VMP1: variants seen among roughly 807,000 people sequenced by gnomAD.
The protein encoded by VMP1 is vacuole membrane protein 1.
In VMP1, 11 loss-of-function variants were observed where a neutral mutation model predicts 56.0. The observed-to-expected ratio is 0.20, with a 90% CI of 0.12 to 0.32. The LOEUF (loss-of-function observed/expected upper bound fraction) is 0.32, where lower values mean the gene tolerates loss of function less well. VMP1 is among the 10% of genes least tolerant of loss of function. The probability of loss-of-function intolerance (pLI) is 1.00; values close to 1 mark genes in which losing one functional copy is unlikely to be tolerated. For synonymous variants in VMP1, 149 were observed against 165.0 expected, an observed-to-expected ratio of 0.90 and a Z score of 0.74; for missense variants, 296 against 490.3, an observed-to-expected ratio of 0.60 and a Z score of 3.74.
rs753165336 is a variant in VMP1 at position 59,735,414 on chromosome 17, C to T, written c.153C>T (p.Leu51=). 1 of 1,614,122 alleles carries T rather than the reference C, an allele frequency of 6.2e-7. No homozygotes were observed. The highest frequency in any genetic ancestry group is 8.5e-7 in the Non-Finnish European group (1 of 1,180,012). Reference sequence around the variant, plus strand: ...ATATTGTCCTGTGGAGACAGCCGCTCATTACCTTGCAGTATTTTTCTCTGG... The same window carrying T: ...ATATTGTCCTGTGGAGACAGCCGCTTATTACCTTGCAGTATTTTTCTCTGG... ...RQNIVLWRQP[L]ITLQYFSLEI... is the part of the protein sequence containing the mutation. The change falls in exon 3 of 12, where the codon CTC becomes CTT. Residue 51 remains leucine, a synonymous_variant. Transcript: ENST00000262291.
chr17:59,837,660 G>T (rs2039023630), intron 10 of VMP1: 1 of 152,170 alleles, frequency 6.6e-6, no homozygotes, highest in African/African-American at 2.4e-5. Flanking sequence ...TTGTTCCTTT[G>T]TTAATCACTG....
chr17:59,755,116 C>CTTTTTT (rs58771752), intron 5 of VMP1, among the ~76,000 whole-genome samples: 6 of 145,358 alleles, frequency 4.1e-5, no homozygotes, highest in African/African-American at 1.5e-4. Flanking sequence ...TTTTCTTTTT[C>CTTTTTT]TTTTTTTTTT....
chr17:59,835,107 G>A (rs373744860), intron 10 of VMP1, among the ~76,000 whole-genome samples: 9 of 151,968 alleles, frequency 5.9e-5, no homozygotes, highest in East Asian at 5.8e-4. Context: ...TGTTGGCCAG[G>A]CTGTTTTGTT....
At chr17:59,797,036 T>C (rs1302442994) in intron 7 of VMP1, among the ~76,000 whole-genome samples, 1 of 151,982 alleles carries the variant, frequency 6.6e-6, no homozygotes, top group African/African-American at 2.4e-5. Flanking sequence ...GGAGATAGCT[T>C]AAAAAGGAAA....
chr17:59,719,181 GTAGTC>G (rs2034293892), intron 1 of VMP1, among the ~76,000 whole-genome samples: 1 of 152,106 alleles, frequency 6.6e-6, no homozygotes, highest in Non-Finnish European at 1.5e-5. Context: ...CTATTTTGGA[GTAGTC>G]TAATCCAATT....
intron 5 of VMP1, among the ~76,000 whole-genome samples, chr17:59,760,267 C>T (rs1366131129): frequency 6.6e-6 from 1 of 152,100 alleles, no homozygotes; most frequent in African/African-American, 2.4e-5. Context: ...ATTTCCTCCT[C>T]CCATAATTTA....
chr17:59,719,410 G>C (rs1329144457), intron 1 of VMP1, among the ~76,000 whole-genome samples: 2 of 152,034 alleles, frequency 1.3e-5, no homozygotes, highest in Non-Finnish European at 2.9e-5. Flanking sequence ...TGTGTGCCTT[G>C]TATGAAGAAC....
intron 8 of VMP1, among the ~76,000 whole-genome samples, chr17:59,810,303 A>G (rs1319086084): frequency 6.6e-6 from 1 of 151,956 alleles, no homozygotes; most frequent in Non-Finnish European, 1.5e-5. Flanking sequence ...ACAATCATGC[A>G]CCACTACACC....
Position 59,840,162 on chromosome 17 carries a change from G to A in VMP1, c.*251G>A. On this transcript the variant is annotated 3_prime_UTR_variant, in exon 12 of 12. Coordinates refer to ENST00000262291, the MANE Select transcript of VMP1 (RefSeq NM_030938.5). ...GAATGTGATGTTCAGCAGCAAACTT[G>A]CAACAGACTGGCCTTCTGTTTGTTA... 1 of 426,186 alleles carries A rather than the reference G, an allele frequency of 2.3e-6. No individual in the cohort carries two copies. The highest frequency in any genetic ancestry group is 3.3e-5 in the South Asian group (1 of 30,708). The allele number at this position is 426,186 out of a possible 1,614,324, so 26.4% of individuals were successfully genotyped here. A position where few individuals can be genotyped will look rare whatever the true frequency, so the allele number is the denominator to read the frequency against.
chr17:59,802,524 T>A (rs1311706994), intron 7 of VMP1, among the ~76,000 whole-genome samples: 1 of 152,140 alleles, frequency 6.6e-6, no homozygotes, highest in African/African-American at 2.4e-5. Flanking sequence ...ATTAACCAAG[T>A]ATACATTTAT....
intron 8 of VMP1, among the ~76,000 whole-genome samples, chr17:59,809,532 A>T: frequency 1.3e-5 from 1 of 76,750 alleles, no homozygotes; most frequent in East Asian, 4.3e-4. Flanking sequence ...TTTGAGACGG[A>T]GTCTCGCTCT....
chr17:59,808,741 A>C, intron 7 of VMP1, 55 bp from the exon 8 acceptor site: 19 of 1,348,718 alleles, frequency 1.4e-5, no homozygotes, highest in Non-Finnish European at 1.6e-5. Context: ...AGAAAGAACC[A>C]TCTTTCCTTC....
At chr17:59,757,913 C>T (rs920870312) in intron 5 of VMP1, among the ~76,000 whole-genome samples, 13 of 118,594 alleles carry the variant, frequency 1.1e-4, no homozygotes, top group Non-Finnish European at 1.8e-4. Context: ...GTCACAGTGG[C>T]GTGATCTCAG....
chr17:59,726,291 G>GTTTTTTTTTTTTTTTTTTTTTT (rs541555827), intron 1 of VMP1, among the ~76,000 whole-genome samples: 1 of 145,058 alleles, frequency 6.9e-6, no homozygotes, highest in Non-Finnish European at 1.5e-5. Flanking sequence ...AGTTTTTTTT[G>GTTTTTTTTTTTTTTTTTTTTTT]TTTTTTTTTT....
At chr17:59,807,380 G>A (rs2037881854) in intron 7 of VMP1, among the ~76,000 whole-genome samples, 1 of 151,604 alleles carries the variant, frequency 6.6e-6, no homozygotes, top group Non-Finnish European at 1.5e-5. Context: ...TGTATTTTTA[G>A]TAGATACAAG....
At chr17:59,803,692 G>C (rs1340317446) in intron 7 of VMP1, among the ~76,000 whole-genome samples, 1 of 152,284 alleles carries the variant, frequency 6.6e-6, no homozygotes, top group Non-Finnish European at 1.5e-5. Flanking sequence ...AAAATGACAT[G>C]TGAGGAAGTA....
chr17:59,815,620 G>A (rs1349548626), intron 9 of VMP1, among the ~76,000 whole-genome samples: 9 of 152,104 alleles, frequency 5.9e-5, no homozygotes, highest in Non-Finnish European at 1.2e-4. Context: ...TTGGGAGGCC[G>A]AGGCAGGTGG....
At chr17:59,810,185 C>T (rs911198165) in intron 8 of VMP1, among the ~76,000 whole-genome samples, 2 of 151,678 alleles carry the variant, frequency 1.3e-5, no homozygotes, top group Non-Finnish European at 2.9e-5. Flanking sequence ...ACAGAGTCTC[C>T]CTCTGTCACC....
chr17:59,738,689 G>A (rs1268674802), intron 4 of VMP1, 148 bp from the exon 5 acceptor site: 1 of 546,096 alleles, frequency 1.8e-6, no homozygotes, highest in Non-Finnish European at 3.2e-6. Context: ...GTGTATTAAA[G>A]AAATTAGGCC....
Sources: gnomAD v4.1 joint callset for allele counts (sites outside exome capture counted in the v4.1 genomes callset) on GRCh38, gnomAD v4.1.1 for gene constraint, MANE v1.5 for transcripts, NCBI Gene and HGNC (gene_info 2026-07-23, HGNC 2026-07-21) for gene names.